The following DIDO1 variants were observed in gnomAD, a reference collection of about 807,000 sequenced individuals.
DIDO1 encodes the protein death inducer-obliterator 1.
DIDO1 carries 16 observed loss-of-function variants against 99.4 expected under a neutral mutation model. That is an observed-to-expected ratio of 0.16 (90% confidence interval 0.11 to 0.24). The LOEUF (loss-of-function observed/expected upper bound fraction) is 0.24. Among genes scored for constraint, DIDO1 ranks in the 10% least tolerant of loss-of-function variants. DIDO1 has a pLI of 1.00. For synonymous variants in DIDO1, 1,366 were observed against 1,239.1 expected (o/e 1.10, Z -2.15); for missense variants, 2,996 against 3,014.0 (o/e 0.99, Z 0.14).
Position 62,893,929 on chromosome 20 carries a change from C to T in DIDO1, c.2838G>A (p.Leu946=). The part of the protein sequence containing the change: ...GHPEPSPLED[L]SPCPASCGSG... ...TCCCACAGGAGGCTGGGCAGGGGGA[C>T]AGGTCTTCCAGCGGGGAGGGCTCGG... Residue 946 remains leucine (L), a synonymous_variant, in exon 12 of 16, where the codon CTG becomes CTA. Coordinates refer to ENST00000395343, the MANE Select transcript of DIDO1 (RefSeq NM_001193369.2). 3 of 1,612,022 alleles carry T rather than the reference C, an allele frequency of 1.9e-6. No individual in the cohort carries two copies. Among genetic ancestry groups the T allele is most frequent in the African/African-American group, 1.3e-5 (1 of 75,018 alleles).
At chr20:62,936,369 A>G (rs1437898711) in intron 1 of DIDO1, among the ~76,000 whole-genome samples, 1 of 152,044 alleles carries the variant, frequency 6.6e-6, no homozygotes, top group African/African-American at 2.4e-5. Context: ...CCTAGCCAAC[A>G]TGGTGAAACC....
At chr20:62,887,362 G>A (rs2064312384) in intron 15 of DIDO1, 2 of 985,338 alleles carry the variant, frequency 2.0e-6, no homozygotes, top group Non-Finnish European at 2.4e-6. Context: ...AATATTTCAA[G>A]TCAGAATTTC....
chr20:62,892,048 C>A lies in DIDO1; in HGVS notation c.3284G>T (p.Gly1095Val). 6.2e-7 allele frequency: 1 copy of A among 1,613,268 alleles called. No homozygotes were observed. The change falls in exon 14 of 16, where the codon GGG becomes GTG. Residue 1095 changes from glycine to valine, a missense_variant. This residue lies in a region of DIDO1 where 135 missense variants were observed against 202.3 expected (regional missense o/e 0.67). Transcript: ENST00000395343. The part of the protein sequence containing the change: ...EDLPDTIHIG[G>V]RIAPKTVWDY... ...CCAAACTGTCTTCGGTGCGATCCTC[C>A]CACCAATGTGAATTGTGTCAGGCAA...
intron 6 of DIDO1, chr20:62,905,424 C>A: frequency 2.0e-6 from 3 of 1,498,098 alleles, no homozygotes; most frequent in Non-Finnish European, 2.7e-6. Context: ...AAGATTCCCA[C>A]AACATAAAAA....
Position 62,896,776 on chromosome 20 carries a change from G to T in DIDO1, c.1809C>A (p.Thr603=), listed in dbSNP as rs539196382. Residue 603 remains threonine, a synonymous_variant, in exon 7 of 16, where the codon ACC becomes ACA. Transcript: ENST00000395343. This position sits in a 1 kb window ranked among gnomAD's most constrained non-coding sequence, Gnocchi z 4.4. The stretch of plus-strand genomic sequence containing the variant: ...TGGCAGCTGAAGCACCACTCGATGG[G>T]GTAGCGGAGAGCCATGGCCTCTTGG... ...TIPKRPWLSA[T]PSSGASAARQ... 17 of 1,614,108 alleles carry T rather than the reference G, an allele frequency of 1.1e-5. No homozygotes were observed. The South Asian group carries it at 1.8e-4, about 17-fold the overall frequency.
At position 62,909,796 on chromosome 20, in the gene DIDO1, G is replaced by A. The variant is rs1301457050; in HGVS notation, c.1064C>T (p.Thr355Ile). The change falls in exon 4 of 16, where the codon ACA becomes ATA. Residue 355 changes from threonine (T) to isoleucine (I), a missense_variant. Physicochemically the swap from Thr to Ile is moderately conservative, Grantham distance 89. Around this residue, in one of 5 missense-constraint regions of DIDO1, gnomAD observed 898 missense variants for 972.7 expected, o/e 0.92. Transcript: ENST00000395343. ...GTCTTCGCTAGACTTCTGCTCTATT[G>A]TTCCTATACTTGTACAATCGGTGCC... The part of the protein sequence containing the change: ...ADGTDCTSIG[T>I]IEQKSSEDQG... The A allele has an allele frequency of 2.5e-6, 4 of 1,614,106 alleles. No individual in the cohort carries two copies. The highest frequency in any genetic ancestry group is 2.7e-5 in the African/African-American group (2 of 74,934).
In DIDO1 at chr20:62,880,522, A is replaced by C. The variant is rs1600897374; in HGVS notation, c.5434T>G (p.Ser1812Ala). ...AQKGPIPSLFSGQHGPPPYGD... is the reference protein window; with the variant it reads ...AQKGPIPSLFAGQHGPPPYGD... ...TAAGGAGGTGGCCCATGTTGCCCCG[A>C]GAATAAGGAAGGGATGGGCCCCTTC... The change falls in exon 16 of 16, where the codon TCG (serine) becomes GCG (alanine). Residue 1812 changes from serine (S) to alanine (A), a missense_variant. Coordinates refer to ENST00000395343, the MANE Select transcript of DIDO1 (RefSeq NM_001193369.2). 1 of 1,612,850 alleles carries C rather than the reference A, an allele frequency of 6.2e-7. No homozygotes were observed. The highest frequency in any genetic ancestry group is 8.5e-7 in the Non-Finnish European group (1 of 1,179,944).
At chr20:62,900,323 A>C (rs1286528486) in intron 6 of DIDO1, among the ~76,000 whole-genome samples, 1 of 152,258 alleles carries the variant, frequency 6.6e-6, no homozygotes, top group African/African-American at 2.4e-5. Context: ...CTGCAGAATG[A>C]AGCAGGTCGT....
rs147863855 is a variant in DIDO1 at position 62,889,974 on chromosome 20, G to A, written c.3541+986C>T. 5.8e-3 allele frequency: 5,700 copies of A among 985,464 alleles called. 29 individuals are homozygous for A. The highest frequency in any genetic ancestry group is 0.02 in the South Asian group (434 of 21,286). The allele number at this position is 985,464 out of a possible 1,614,324, so 61.0% of individuals were successfully genotyped here. On this transcript the variant is annotated intron_variant, in intron 15 of 15. Transcript: ENST00000395343. Reference sequence around the variant, plus strand: ...TAGGAACGTGGGCTGTGCCTGGGGCGACAGAAGTCCCGCCCAAGATGTGGA... The same window carrying A: ...TAGGAACGTGGGCTGTGCCTGGGGCAACAGAAGTCCCGCCCAAGATGTGGA...
chr20:62,933,769 G>A (rs2065353406), intron 1 of DIDO1, among the ~76,000 whole-genome samples: 3 of 152,182 alleles, frequency 2.0e-5, no homozygotes, highest in Non-Finnish European at 4.4e-5. Context: ...TACTCAAGAG[G>A]CTAACATGGG....
Position 62,934,095 on chromosome 20 carries a change from C to T in DIDO1, c.-200+3701G>A, listed in dbSNP as rs994258252. 1.2e-4 allele frequency among the ~76,000 whole-genome samples: 18 copies of T among 152,310 alleles called. No individual in the cohort carries two copies. The East Asian group carries it at 3.3e-3, about 28-fold the overall frequency. ...AAGCTCAGGCAGTTGATGAATCCAG[C>T]AGGCTGAAGTCCTTGTCACTGTCCC... On this transcript the variant is annotated intron_variant, in intron 1 of 15. Transcript: ENST00000266070.
In DIDO1 at chr20:62,880,451, T is replaced by C; in HGVS notation, c.5505A>G (p.Arg1835=). Residue 1835 remains arginine, a synonymous_variant, in exon 16 of 16, where the codon CGA becomes CGG. Coordinates refer to ENST00000395343, the MANE Select transcript of DIDO1 (RefSeq NM_001193369.2). Reference sequence around the variant, plus strand: ...CTTCAAATTGGGATGGTGCCACTCCTCGTGGTCCACCAAGGTAAGAGGGTG... The same window carrying C: ...CTTCAAATTGGGATGGTGCCACTCCCCGTGGTCCACCAAGGTAAGAGGGTG... ...GPSPSYLGGP[R]GVAPSQFEER... 6.2e-7 allele frequency: 1 copy of C among 1,612,902 alleles called. No homozygotes were observed. Among genetic ancestry groups the C allele is most frequent in the African/African-American group, 1.3e-5 (1 of 75,056 alleles).
rs994512684 is a variant in DIDO1, at chr20:62,880,657, G to A, written c.5299C>T (p.His1767Tyr). The part of the protein sequence containing the change: ...GPHALGMSGL[H>Y]GPNFPGPRGP... ...CTTGGTCCCGGGAAATTGGGGCCGTGAAGCCCTGACATCCCCAAAGCATGA... is the reference window on the plus strand; with the variant it reads ...CTTGGTCCCGGGAAATTGGGGCCGTAAAGCCCTGACATCCCCAAAGCATGA... The change falls in exon 16 of 16, where the codon CAC (histidine) becomes TAC (tyrosine). Residue 1767 changes from histidine (H) to tyrosine (Y), a missense_variant. By Grantham distance (83) the His-to-Tyr change is moderately conservative (BLOSUM62 2). Transcript: ENST00000395343. 1.2e-6 allele frequency: 2 copies of A among 1,612,728 alleles called. No individual in the cohort carries two copies. The highest frequency in any genetic ancestry group is 2.7e-5 in the African/African-American group (2 of 74,948).
chr20:62,918,686 C>G (rs2065081873), intron 1 of DIDO1, among the ~76,000 whole-genome samples: 1 of 152,164 alleles, frequency 6.6e-6, no homozygotes, highest in South Asian at 2.1e-4. Context: ...CAATTTTAAC[C>G]CGCCAGTCAG....
intron 4 of DIDO1, 25 bp from the exon 5 acceptor site, chr20:62,907,384 A>G: frequency 6.2e-7 from 1 of 1,607,768 alleles, no homozygotes; most frequent in Non-Finnish European, 8.5e-7. Context: ...AGATGACTTC[A>G]AACAATGTAC....
chr20:62,892,911 A>G lies in DIDO1; in HGVS notation c.3153T>C (p.Ser1051=), dbSNP rs1410359522. 6.2e-7 allele frequency: 1 copy of G among 1,614,100 alleles called. No homozygotes were observed. The highest frequency in any genetic ancestry group is 1.7e-5 in the Admixed American group (1 of 60,028). ...ATCCTTTCCAAATGGTGCTGAGTCG[A>G]GACAAAAAGAGGGTCGTGTCTCCCT... ...PPEGDTTLFL[S]RLSTIWKGFI... The change falls in exon 13 of 16, where the codon TCT becomes TCC. Residue 1051 remains serine, a synonymous_variant. Transcript: ENST00000395343.
In DIDO1 at chr20:62,911,646, A is replaced by G; in HGVS notation, c.-2-32T>C. ...GTAAAGTGTAAGCACATAGTGACCA[A>G]CTGACCACAGAACAAAAGGTGACAT... On this transcript the variant is annotated intron_variant, in intron 2 of 15. Transcript: ENST00000395343. This position sits in a 1 kb window ranked among gnomAD's most constrained non-coding sequence, Gnocchi z 7.0. The G allele has an allele frequency of 1.3e-6, 2 of 1,504,910 alleles. No individual in the cohort carries two copies. Among genetic ancestry groups the G allele is most frequent in the Non-Finnish European group, 1.8e-6 (2 of 1,124,810 alleles). 93.2% of individuals were successfully genotyped at this position (1,504,910 alleles called of 1,614,324 possible). A position where few individuals can be genotyped will look rare whatever the true frequency, so the allele number is the denominator to read the frequency against.
intron 14 of DIDO1, 66 bp downstream of exon 14, chr20:62,891,920 TA>T: frequency 4.4e-6 from 6 of 1,360,602 alleles, no homozygotes; most frequent in Non-Finnish European, 6.1e-6. Flanking sequence ...AACGAGAGGT[TA>T]AAAAAAGATG....
At position 62,879,115 on chromosome 20, in the gene DIDO1, A is replaced by T; in HGVS notation, c.*118T>A. On this transcript the variant is annotated 3_prime_UTR_variant, in exon 16 of 16. Coordinates refer to ENST00000395343, the MANE Select transcript of DIDO1 (RefSeq NM_001193369.2). The surrounding 1 kb of genome is among the most constrained non-coding windows in gnomAD (Gnocchi z 6.3). Reference sequence around the variant, plus strand: ...GAAACCATTTACACAAAATTACAGTAATGTTTAAGTCCAGAATATTCTATC... The same window carrying T: ...GAAACCATTTACACAAAATTACAGTTATGTTTAAGTCCAGAATATTCTATC... 1.1e-6 allele frequency: 1 copy of T among 885,770 alleles called. No individual in the cohort carries two copies. Among genetic ancestry groups the T allele is most frequent in the Non-Finnish European group, 1.6e-6 (1 of 637,824 alleles). 54.9% of individuals were successfully genotyped at this position (885,770 alleles called of 1,614,324 possible).
Sources: allele counts gnomAD v4.1 joint callset (sites outside exome capture counted in the v4.1 genomes callset), GRCh38; gene constraint gnomAD v4.1.1; regional missense constraint gnomAD v4.1.1; non-coding constraint Gnocchi (gnomAD v3.1); transcripts MANE v1.5; gene names NCBI Gene and HGNC (gene_info 2026-07-23, HGNC 2026-07-21).